The following DENND11 variants were observed in gnomAD, a reference collection of about 807,000 sequenced individuals.
DENND11 encodes DENN domain-containing protein 11.
Under a neutral mutation model 49.2 loss-of-function variants are expected in DENND11, and 34 were observed. That is an observed-to-expected ratio of 0.69 (90% confidence interval 0.53 to 0.92). The LOEUF is 0.92. DENND11 is among the 40% of genes least tolerant of loss of function. The pLI, the probability that DENND11 is intolerant of heterozygous loss-of-function variation, is 0.00. For synonymous variants in DENND11, 238 were observed against 230.3 expected (o/e 1.03, Z -0.30); for missense variants, 475 against 581.6 (o/e 0.82, Z 1.88).
At chr7:141,663,166 C>A in intron 8 of DENND11, 1 of 256,666 alleles carries the variant, frequency 3.9e-6, no homozygotes. Context: ...CCCCCAAACA[C>A]TGCTTTTCTC....
chr7:141,669,649 G>T (rs942896563), intron 4 of DENND11, among the ~76,000 whole-genome samples: 1 of 151,610 alleles, frequency 6.6e-6, no homozygotes, highest in African/African-American at 2.4e-5. Flanking sequence ...TCAATAAAAA[G>T]CTTAAAGATA....
At chr7:141,685,727 C>T in intron 2 of DENND11, 91 bp from the exon 3 acceptor site, 2 of 1,364,318 alleles carry the variant, frequency 1.5e-6, no homozygotes, top group Non-Finnish European at 2.0e-6. Context: ...GTGTTCGGGG[C>T]TGTCAATGAC....
chr7:141,667,853 A>G (rs950040910), intron 4 of DENND11, among the ~76,000 whole-genome samples: 3 of 152,048 alleles, frequency 2.0e-5, no homozygotes, highest in Admixed American at 2.0e-4. Flanking sequence ...CCCCTACCCC[A>G]TGCCAGGATA....
At chr7:141,683,482 AAAAT>A (rs1798179096) in intron 3 of DENND11, among the ~76,000 whole-genome samples, 2 of 152,116 alleles carry the variant, frequency 1.3e-5, no homozygotes, top group Admixed American at 6.6e-5. Flanking sequence ...CTACTAAAAA[AAAAT>A]AAATAAATTA....
intron 3 of DENND11, among the ~76,000 whole-genome samples, chr7:141,677,281 G>A (rs1343890902): frequency 6.6e-6 from 1 of 151,380 alleles, no homozygotes; most frequent in East Asian, 1.9e-4. Flanking sequence ...CAGCTACTCG[G>A]GAGGCTGAGG....
rs115611302 is a variant in DENND11, at chr7:141,670,900, A to G, written c.681+3167T>C. Among the ~76,000 whole-genome samples, 606 of 152,308 alleles carry G rather than the reference A, an allele frequency of 4.0e-3. 3 individuals carry two copies. Among genetic ancestry groups the G allele is most frequent in the African/African-American group, 0.014 (563 of 41,566 alleles). ...CACATACTACACCCTACTACATGGG[A>G]ACGTGAGCATCTGCAGATTTGGGTA... On this transcript the variant is annotated intron_variant, in intron 4 of 8. Coordinates refer to ENST00000536163, the MANE Select transcript of DENND11 (RefSeq NM_001080392.2).
intron 3 of DENND11, among the ~76,000 whole-genome samples, chr7:141,678,164 T>G (rs1798095461): frequency 6.6e-6 from 1 of 152,112 alleles, no homozygotes; most frequent in African/African-American, 2.4e-5. Context: ...GTTTCACCGT[T>G]GTTGCTCAGG....
intron 4 of DENND11, among the ~76,000 whole-genome samples, chr7:141,669,991 T>C (rs1192918972): frequency 1.3e-5 from 2 of 151,508 alleles, no homozygotes; most frequent in East Asian, 3.9e-4. Context: ...TTTGTATTTT[T>C]AGTAGAGACG....
chr7:141,697,245 C>T (rs1012369202), intron 1 of DENND11, among the ~76,000 whole-genome samples: 21 of 152,164 alleles, frequency 1.4e-4, no homozygotes, highest in African/African-American at 5.1e-4. Flanking sequence ...AGCAGGCACT[C>T]AGGAGGTGGT....
chr7:141,673,001 C>T (rs1244416680), intron 4 of DENND11, among the ~76,000 whole-genome samples: 1 of 152,174 alleles, frequency 6.6e-6, no homozygotes, highest in Non-Finnish European at 1.5e-5. Context: ...AATCACTTCC[C>T]TCATGCCAGC....
rs777782993 is a variant in DENND11, at chr7:141,677,487, ATG to A, written c.528-3269_528-3268del. On this transcript the variant is annotated intron_variant, in intron 3 of 8. Coordinates refer to ENST00000536163, the MANE Select transcript of DENND11 (RefSeq NM_001080392.2). Reference sequence around the variant, plus strand: ...TGTATATATATTTATATATATTTATATGTGTGTGTGTGTGTGTATATATATAT... The same window carrying A: ...TGTATATATATTTATATATATTTATATGTGTGTGTGTGTGTATATATATAT... Among the ~76,000 whole-genome samples, 766 of 137,578 alleles carry A rather than the reference ATG, an allele frequency of 5.6e-3. 4 individuals are homozygous for A. The highest frequency in any genetic ancestry group is 0.022 in the Middle Eastern group (6 of 268). 90.3% of individuals were successfully genotyped at this position (137,578 alleles called of 152,430 possible). A position where few individuals can be genotyped will look rare whatever the true frequency, so the allele number is the denominator to read the frequency against.
intron 4 of DENND11, among the ~76,000 whole-genome samples, chr7:141,667,083 G>A (rs1797907398): frequency 6.6e-6 from 1 of 152,126 alleles, no homozygotes. Context: ...ACCATGCCCG[G>A]CTAATTTTTG....
Position 141,666,352 on chromosome 7 carries a change from A to C in DENND11, c.755T>G (p.Phe252Cys), listed in dbSNP as rs968945707. 1.2e-6 allele frequency: 2 copies of C among 1,613,420 alleles called. No individual in the cohort carries two copies. Among genetic ancestry groups the C allele is most frequent in the African/African-American group, 2.7e-5 (2 of 74,886 alleles). The change falls in exon 5 of 9, where the codon TTT becomes TGT. Residue 252 changes from phenylalanine to cysteine, a missense_variant. Phe to Cys is a radical substitution (Grantham distance 205). Coordinates refer to ENST00000536163, the MANE Select transcript of DENND11 (RefSeq NM_001080392.2). The stretch of plus-strand genomic sequence containing the variant: ...CAAAATGCGCTTTCGAAGTAAGGCA[A>C]ATTTCCAGAGGATGAGGATCTGTTC... ...FGEQILILWKFALLRKRILIF... is the reference protein window; with the variant it reads ...FGEQILILWKCALLRKRILIF...
At chr7:141,691,166 A>C (rs978938564) in intron 1 of DENND11, among the ~76,000 whole-genome samples, 7 of 152,214 alleles carry the variant, frequency 4.6e-5, no homozygotes, top group Non-Finnish European at 7.3e-5. Context: ...AATGAGGTGC[A>C]TCACTTCCAG....
chr7:141,696,497 G>C (rs577642645), intron 1 of DENND11, among the ~76,000 whole-genome samples: 1 of 152,288 alleles, frequency 6.6e-6, no homozygotes, highest in East Asian at 1.9e-4. Flanking sequence ...TCCCAAGCAA[G>C]CACTTCCTCC....
rs1797773330 is a variant in DENND11 at position 141,660,559 on chromosome 7, T to C, written c.*2097A>G. The C allele has an allele frequency of 6.6e-6, 1 of 152,246 alleles. No individual in the cohort carries two copies. The allele number at this position is 152,246 out of a possible 1,614,324, so 9.4% of individuals were successfully genotyped here. ...CAGTTAAAACTGCAGTGTTTGCATA[T>C]AGAAGGCTCAGAGCAGAAATGCCTC... On this transcript the variant is annotated 3_prime_UTR_variant, in exon 9 of 9. Transcript: ENST00000536163.
chr7:141,671,835 C>T (rs1478783400), intron 4 of DENND11, among the ~76,000 whole-genome samples: 2 of 152,184 alleles, frequency 1.3e-5, no homozygotes, highest in South Asian at 2.1e-4. Flanking sequence ...CTCTAATGGC[C>T]CTCTAACGAT....
chr7:141,664,366 C>T, intron 7 of DENND11, 126 bp from the exon 8 acceptor site: 1 of 705,002 alleles, frequency 1.4e-6, no homozygotes. Flanking sequence ...GGAAAGGGAT[C>T]AACAGGGTTT....
chr7:141,698,284 G>C (rs559862766), intron 1 of DENND11, among the ~76,000 whole-genome samples: 2 of 152,292 alleles, frequency 1.3e-5, no homozygotes, highest in South Asian at 4.1e-4. Context: ...AGCAGACTAA[G>C]AACATTTTAC....
Sources: allele counts gnomAD v4.1 joint callset (sites outside exome capture counted in the v4.1 genomes callset), GRCh38; gene constraint gnomAD v4.1.1; transcripts MANE v1.5; gene names NCBI Gene and HGNC (gene_info 2026-07-23, HGNC 2026-07-21).